Variants in CSNK1G1 observed in about 807,000 individuals in gnomAD.
CSNK1G1 encodes casein kinase I isoform gamma-1.
Under a neutral mutation model 59.6 loss-of-function variants are expected in CSNK1G1, and 22 were observed. The ratio of observed to expected loss-of-function variants is 0.37; its 90% confidence interval spans 0.26 to 0.53. CSNK1G1 has a LOEUF of 0.53. Among genes scored for constraint, CSNK1G1 ranks in the 20% least tolerant of loss-of-function variants. The pLI, the probability that CSNK1G1 is intolerant of heterozygous loss-of-function variation, is 0.89. For synonymous variants in CSNK1G1, 179 were observed against 177.1 expected (o/e 1.01, Z -0.08); for missense variants, 384 against 519.5 (o/e 0.74, Z 2.54).
chr15:64,171,054 T>G lies in CSNK1G1; in HGVS notation c.*877A>C, dbSNP rs190753567. ...CCACTGAGAATGTCCTCTGGACCCATGTTCTCTCTGAATGGCTTGGCCGGC... is the reference window on the plus strand; with the variant it reads ...CCACTGAGAATGTCCTCTGGACCCAGGTTCTCTCTGAATGGCTTGGCCGGC... On this transcript the variant is annotated 3_prime_UTR_variant, in exon 12 of 12. Coordinates refer to ENST00000303052, the MANE Select transcript of CSNK1G1 (RefSeq NM_022048.5). This position sits in a 1 kb window ranked among gnomAD's most constrained non-coding sequence, Gnocchi z 4.8. 1 of 152,628 alleles carries G rather than the reference T, an allele frequency of 6.6e-6. No homozygotes were observed. The highest frequency in any genetic ancestry group is 2.4e-5 in the African/African-American group (1 of 41,428). The allele number at this position is 152,628 out of a possible 1,614,324, so 9.5% of individuals were successfully genotyped here. A position where few individuals can be genotyped will look rare whatever the true frequency, so the allele number is the denominator to read the frequency against.
chr15:64,315,594 T>C (rs1197671274), intron 1 of CSNK1G1: 1 of 152,188 alleles, frequency 6.6e-6, no homozygotes, highest in Non-Finnish European at 1.5e-5. Context: ...CAGAATTATG[T>C]TCACTGACTA....
At chr15:64,352,825 A>C in intron 1 of CSNK1G1, among the ~76,000 whole-genome samples, 1 of 152,046 alleles carries the variant, frequency 6.6e-6, no homozygotes, top group South Asian at 2.1e-4. Context: ...GTGTTGGCTC[A>C]TGCCTGTAAT....
chr15:64,175,594 G>GAA (rs1391307947), intron 11 of CSNK1G1, among the ~76,000 whole-genome samples: 6 of 151,680 alleles, frequency 4.0e-5, no homozygotes, highest in Admixed American at 3.9e-4. Flanking sequence ...TCCAGGAGTG[G>GAA]AAAAGACAGG....
chr15:64,297,732 G>T (rs1181829613), intron 2 of CSNK1G1, among the ~76,000 whole-genome samples: 1 of 151,846 alleles, frequency 6.6e-6, no homozygotes, highest in Non-Finnish European at 1.5e-5. Context: ...AAATGCACTT[G>T]GCTGTTTGAC....
At chr15:64,305,563 AT>A (rs1247033711) in intron 1 of CSNK1G1, among the ~76,000 whole-genome samples, 10 of 152,010 alleles carry the variant, frequency 6.6e-5, no homozygotes, top group African/African-American at 2.4e-4. Context: ...CAAAATAAAA[AT>A]AAAAATTGGC....
chr15:64,354,985 G>A (rs1473059606), intron 1 of CSNK1G1, among the ~76,000 whole-genome samples: 1 of 152,134 alleles, frequency 6.6e-6, no homozygotes, highest in Non-Finnish European at 1.5e-5. Context: ...TATCTGTTCT[G>A]AGACATCACT....
intron 2 of CSNK1G1, among the ~76,000 whole-genome samples, chr15:64,270,778 T>G (rs1006717956): frequency 6.7e-6 from 1 of 149,528 alleles, no homozygotes; most frequent in African/African-American, 2.5e-5. Context: ...AAAAAAACAC[T>G]ACCTGAGCTG....
intron 11 of CSNK1G1, among the ~76,000 whole-genome samples, chr15:64,175,719 A>C (rs2081733699): frequency 6.6e-6 from 1 of 152,146 alleles, no homozygotes; most frequent in Admixed American, 6.5e-5. Flanking sequence ...ACAACAAAAC[A>C]TCCACCTCTC....
rs948956723 is a variant in CSNK1G1 at position 64,170,869 on chromosome 15, A to C, written c.*1062T>G. 1 of 152,472 alleles carries C rather than the reference A, an allele frequency of 6.6e-6. No homozygotes were observed. Among genetic ancestry groups the C allele is most frequent in the Non-Finnish European group, 1.5e-5 (1 of 68,020 alleles). 9.4% of individuals were successfully genotyped at this position (152,472 alleles called of 1,614,324 possible). ...TCATGTTCTGGAGAGCTAGGTTTTCAAACTGTAAGCTGATTAGGTCAAGAT... is the reference window on the plus strand; with the variant it reads ...TCATGTTCTGGAGAGCTAGGTTTTCCAACTGTAAGCTGATTAGGTCAAGAT... On this transcript the variant is annotated 3_prime_UTR_variant, in exon 12 of 12. Coordinates refer to ENST00000303052, the MANE Select transcript of CSNK1G1 (RefSeq NM_022048.5).
chr15:64,270,715 G>C (rs967119971), intron 2 of CSNK1G1, among the ~76,000 whole-genome samples: 1 of 150,210 alleles, frequency 6.7e-6, no homozygotes, highest in Non-Finnish European at 1.5e-5. Context: ...AGCAGAGATC[G>C]TGCCACTGCA....
intron 1 of CSNK1G1, among the ~76,000 whole-genome samples, chr15:64,305,809 A>G (rs528030282): frequency 6.6e-6 from 1 of 152,072 alleles, no homozygotes; most frequent in East Asian, 1.9e-4. Context: ...ATGGAACAGA[A>G]TGGAAAGCCC....
rs1172085121 is a variant in CSNK1G1 at position 64,213,877 on chromosome 15, G to GA, written c.679+12dup. The GA allele has an allele frequency of 1.9e-6, 3 of 1,583,646 alleles. No individual in the cohort carries two copies. Among genetic ancestry groups the GA allele is most frequent in the Middle Eastern group, 1.7e-4 (1 of 6,002 alleles). On this transcript the variant is annotated intron_variant, in intron 6 of 11. Coordinates refer to ENST00000303052, the MANE Select transcript of CSNK1G1 (RefSeq NM_022048.5). ...AATGACTCGCCCCTTTCATGGAACA[G>GA]AAAAAAACACACCTTTGCCAAGATG... is the stretch of plus-strand genomic sequence containing the variant.
intron 4 of CSNK1G1, among the ~76,000 whole-genome samples, chr15:64,243,467 T>C (rs1051034319): frequency 3.9e-5 from 6 of 152,062 alleles, no homozygotes; most frequent in African/African-American, 1.4e-4. Flanking sequence ...AAAAGCTGAA[T>C]TTCTCCTCAA....
At chr15:64,222,689 C>A (rs1306282916) in intron 4 of CSNK1G1, among the ~76,000 whole-genome samples, 95 of 145,892 alleles carry the variant, frequency 6.5e-4, no homozygotes, top group Non-Finnish European at 8.1e-4. Flanking sequence ...AAAAAAAAAA[C>A]CCAAAATGAG....
At chr15:64,243,340 AAAAAC>A (rs535451164) in intron 4 of CSNK1G1, among the ~76,000 whole-genome samples, 4 of 152,054 alleles carry the variant, frequency 2.6e-5, no homozygotes, top group Admixed American at 2.6e-4. Flanking sequence ...CATCTCAAAG[AAAAAC>A]AAAACAAAAC....
At chr15:64,172,793 T>C (rs2081690291) in intron 11 of CSNK1G1, among the ~76,000 whole-genome samples, 1 of 152,178 alleles carries the variant, frequency 6.6e-6, no homozygotes, top group Non-Finnish European at 1.5e-5. Flanking sequence ...TTGGCTCCTT[T>C]ATGAGTCCTC....
chr15:64,335,104 T>C (rs10444844), intron 1 of CSNK1G1, among the ~76,000 whole-genome samples: 141,795 of 152,262 alleles, frequency 0.93, 66,624 homozygotes, highest in East Asian at 1. Context: ...TGCAAATCTA[T>C]CTGTCATTTC....
intron 10 of CSNK1G1, among the ~76,000 whole-genome samples, chr15:64,192,860 A>T (rs1249633621): frequency 6.6e-6 from 1 of 150,886 alleles, no homozygotes; most frequent in East Asian, 1.9e-4. Flanking sequence ...AAAAAAAAAA[A>T]AAAAAAAAAA....
At position 64,176,221 on chromosome 15, in the gene CSNK1G1, T is replaced by C. The variant is rs1172048595; in HGVS notation, c.1214+4127A>G. The C allele has an allele frequency of 7.5e-6, 3 of 398,752 alleles. No homozygotes were observed. The highest frequency in any genetic ancestry group is 1.3e-5 in the Non-Finnish European group (3 of 226,120). 24.7% of individuals were successfully genotyped at this position (398,752 alleles called of 1,614,324 possible). A position where few individuals can be genotyped will look rare whatever the true frequency, so the allele number is the denominator to read the frequency against. On this transcript the variant is annotated intron_variant, in intron 11 of 11. Transcript: ENST00000303052. The surrounding 1 kb of genome is among the most constrained non-coding windows in gnomAD (Gnocchi z 5.2). ...TGGCTTTGCCAGTCCCAGCCTAGTC[T>C]GGTCCACTCCCCTTGCAATGGACTG...
Sources: allele counts gnomAD v4.1 joint callset (sites outside exome capture counted in the v4.1 genomes callset), GRCh38; gene constraint gnomAD v4.1.1; non-coding constraint Gnocchi (gnomAD v3.1); transcripts MANE v1.5; gene names NCBI Gene and HGNC (gene_info 2026-07-23, HGNC 2026-07-21).